Variants in TCF7L1 observed in about 807,000 individuals in gnomAD.
The protein encoded by TCF7L1 is transcription factor 7 like 1.
A neutral mutation model predicts 63.7 loss-of-function variants in TCF7L1; 18 were observed. That is an observed-to-expected ratio of 0.28 (90% CI 0.20 to 0.42). The LOEUF is 0.42. TCF7L1 is among the 10% of genes least tolerant of loss of function. The pLI is 1.00. For synonymous variants in TCF7L1, 355 were observed against 340.9 expected (o/e 1.04, Z -0.46); for missense variants, 654 against 779.3 (o/e 0.84, Z 1.91).
chr2:85,217,585 T>C (rs1572996196), intron 3 of TCF7L1, among the ~76,000 whole-genome samples: 1 of 152,298 alleles, frequency 6.6e-6, no homozygotes, highest in Non-Finnish European at 1.5e-5. Context: ...CAAGGTGCTG[T>C]TGAGGCACTT....
At chr2:85,168,421 A>C (rs188995203) in intron 3 of TCF7L1, among the ~76,000 whole-genome samples, 2,350 of 152,192 alleles carry the variant, frequency 0.015, 68 homozygotes, top group African/African-American at 0.05. Flanking sequence ...GTGAAGATGG[A>C]GAAGGAGGGG....
chr2:85,252,101 G>T (rs72840019), intron 3 of TCF7L1, among the ~76,000 whole-genome samples: 7,769 of 152,140 alleles, frequency 0.051, 275 homozygotes, highest in Non-Finnish European at 0.077. Context: ...CACTCCAGAT[G>T]CTTCTCTGCT....
chr2:85,283,336 T>C (rs1681468227), intron 3 of TCF7L1, among the ~76,000 whole-genome samples, 159 bp from the exon 4 acceptor site: 1 of 150,772 alleles, frequency 6.6e-6, no homozygotes, highest in South Asian at 2.1e-4. Context: ...GCTCCTGTTA[T>C]AATCGTTTGG....
Position 85,307,708 on chromosome 2 carries a change from G to A in TCF7L1, c.1324G>A (p.Glu442Lys). ...GACACAGTCACAGCAGCAAGTCCAGGAGGCAGAGGGTGCGTCTCGGGGCAC... is the reference window on the plus strand; with the variant it reads ...GACACAGTCACAGCAGCAAGTCCAGAAGGCAGAGGGTGCGTCTCGGGGCAC... ...SQTQSQQQVQEAEGALASKSK... is the reference protein window; with the variant it reads ...SQTQSQQQVQKAEGALASKSK... The change falls in exon 11 of 12, where the codon GAG (glutamate) becomes AAG (lysine). Residue 442 changes from glutamate to lysine, a missense_variant. This residue lies in a region of TCF7L1 where 184 missense variants were observed against 204.0 expected (regional missense o/e 0.90). Coordinates refer to ENST00000282111, the MANE Select transcript of TCF7L1 (RefSeq NM_031283.3). 1 of 1,613,598 alleles carries A rather than the reference G, an allele frequency of 6.2e-7. No homozygotes were observed. The highest frequency in any genetic ancestry group is 8.5e-7 in the Non-Finnish European group (1 of 1,179,964).
rs147379973 is a variant in TCF7L1 at position 85,163,774 on chromosome 2, TA to T, written c.441+29325del. 8.4e-3 allele frequency among the ~76,000 whole-genome samples: 1,276 copies of T among 152,230 alleles called. 27 individuals are homozygous for T. The highest frequency in any genetic ancestry group is 0.03 in the African/African-American group (1,228 of 41,532). On this transcript the variant is annotated intron_variant, in intron 3 of 11. Transcript: ENST00000282111. ...GCTCCAGGCCTCTCTCCTTGGCTTG[TA>T]GGGGGCTGCCTTCTCCCTGTGTATT...
At chr2:85,217,513 A>G (rs149339650) in intron 3 of TCF7L1, among the ~76,000 whole-genome samples, 18 of 152,198 alleles carry the variant, frequency 1.2e-4, no homozygotes, top group African/African-American at 4.3e-4. Flanking sequence ...CATGGGCACC[A>G]TGCTCTTCAG....
intron 3 of TCF7L1, among the ~76,000 whole-genome samples, chr2:85,147,507 G>A (rs1325890061): frequency 3.3e-5 from 5 of 152,060 alleles, no homozygotes; most frequent in African/African-American, 1.2e-4. Context: ...AAGACAGGGA[G>A]GGGACTCCTG....
intron 3 of TCF7L1, among the ~76,000 whole-genome samples, chr2:85,196,500 A>G (rs1334160323): frequency 6.6e-6 from 1 of 151,918 alleles, no homozygotes; most frequent in Non-Finnish European, 1.5e-5. Context: ...TGGAATGTCC[A>G]GGCCGGGCCT....
intron 3 of TCF7L1, among the ~76,000 whole-genome samples, chr2:85,183,640 C>A (rs530936570): frequency 1.3e-5 from 2 of 152,250 alleles, no homozygotes; most frequent in African/African-American, 4.8e-5. Flanking sequence ...GGAAAATCAT[C>A]GGGCGAGTCA....
chr2:85,307,715 A>G lies in TCF7L1; in HGVS notation c.1331A>G (p.Glu444Gly). 6.2e-7 allele frequency: 1 copy of G among 1,613,426 alleles called. No homozygotes were observed. The highest frequency in any genetic ancestry group is 8.5e-7 in the Non-Finnish European group (1 of 1,179,854). Residue 444 changes from glutamate to glycine, a missense_variant and splice_region_variant, in exon 11 of 12, where the codon GAG becomes GGG. By Grantham distance (98) the Glu-to-Gly change is moderately conservative. Transcript: ENST00000282111. ...TCACAGCAGCAAGTCCAGGAGGCAG[A>G]GGGTGCGTCTCGGGGCACTGGCCTC... is the stretch of plus-strand genomic sequence containing the variant. Reference protein sequence around the residue: ...TQSQQQVQEAEGALASKSKKP... With the variant: ...TQSQQQVQEAGGALASKSKKP...
At chr2:85,137,899 AAAAAAAAAAAGAAAG>A in intron 3 of TCF7L1, among the ~76,000 whole-genome samples, 1 of 152,162 alleles carries the variant, frequency 6.6e-6, no homozygotes, top group South Asian at 2.1e-4. Context: ...CCTCAAAAAA[AAAAAAAAAAAGAAAG>A]AAAGAAAATG....
chr2:85,259,450 G>A (rs1349478238), intron 3 of TCF7L1, among the ~76,000 whole-genome samples: 1 of 152,212 alleles, frequency 6.6e-6, no homozygotes, highest in Non-Finnish European at 1.5e-5. Flanking sequence ...TGTTCTTTCA[G>A]TGGTTTGGCC....
chr2:85,293,416 G>A (rs532894490), intron 4 of TCF7L1, among the ~76,000 whole-genome samples: 4 of 152,220 alleles, frequency 2.6e-5, no homozygotes, highest in South Asian at 4.2e-4. Flanking sequence ...AGTAAGATGC[G>A]CCTGCTTCCC....
intron 3 of TCF7L1, among the ~76,000 whole-genome samples, chr2:85,155,678 G>A (rs182365596): frequency 1.3e-5 from 2 of 152,298 alleles, no homozygotes; most frequent in African/African-American, 4.8e-5. Context: ...ACAGGGAACT[G>A]TTAACTAATT....
intron 3 of TCF7L1, among the ~76,000 whole-genome samples, chr2:85,263,126 G>A (rs542440599): frequency 6.6e-6 from 1 of 152,360 alleles, no homozygotes; most frequent in South Asian, 2.1e-4. Context: ...GCAAAAGCAT[G>A]GCAGCCTTTT....
intron 3 of TCF7L1, among the ~76,000 whole-genome samples, chr2:85,200,938 C>A (rs1248113821): frequency 6.6e-6 from 1 of 152,130 alleles, no homozygotes; most frequent in Admixed American, 6.6e-5. Context: ...CGGTGGCTCA[C>A]GTCTGTAATC....
At chr2:85,225,863 A>G (rs1395952878) in intron 3 of TCF7L1, among the ~76,000 whole-genome samples, 4 of 152,226 alleles carry the variant, frequency 2.6e-5, no homozygotes, top group Admixed American at 6.5e-5. Flanking sequence ...CCGGTTTTCA[A>G]AGGGAATGCT....
chr2:85,150,886 C>T (rs145762357), intron 3 of TCF7L1, among the ~76,000 whole-genome samples: 2 of 152,188 alleles, frequency 1.3e-5, no homozygotes, highest in Non-Finnish European at 2.9e-5. Context: ...TGATTCTTGC[C>T]AGAAACAATT....
intron 3 of TCF7L1, among the ~76,000 whole-genome samples, chr2:85,185,887 T>G (rs973408036): frequency 2.6e-5 from 4 of 151,960 alleles, no homozygotes; most frequent in African/African-American, 9.7e-5. Context: ...CTCATTTAAC[T>G]TGAGACTTAG....
Sources: gnomAD v4.1 joint callset for allele counts (sites outside exome capture counted in the v4.1 genomes callset) on GRCh38, gnomAD v4.1.1 for gene constraint, gnomAD v4.1.1 regional missense constraint, MANE v1.5 for transcripts, NCBI Gene and HGNC (gene_info 2026-07-23, HGNC 2026-07-21) for gene names.